The following CACNA1D variants were observed in gnomAD, a reference collection of about 807,000 sequenced individuals.
The protein encoded by CACNA1D is voltage-dependent L-type calcium channel subunit alpha-1D.
Under a neutral mutation model 257.1 loss-of-function variants are expected in CACNA1D, and 55 were observed. That is an observed-to-expected ratio of 0.21 (90% CI 0.17 to 0.27). The LOEUF (loss-of-function observed/expected upper bound fraction) is 0.27. Ranked by LOEUF, CACNA1D falls within the 10% of genes least tolerant of loss-of-function variation. The pLI is 1.00. For missense variants in CACNA1D, 1,876 were observed against 2,784.0 expected, an observed-to-expected ratio of 0.67 and a Z score of 7.34; for synonymous variants, 980 against 1,014.9, an observed-to-expected ratio of 0.97 and a Z score of 0.65.
intron 11 of CACNA1D, 68 bp from the exon 12 acceptor site, chr3:53,722,246 A>G: frequency 6.4e-7 from 1 of 1,574,634 alleles, no homozygotes; most frequent in South Asian, 1.1e-5. Context: ...ATTATCTCTC[A>G]ATCATATTTA....
chr3:53,726,780 G>A (rs1432258817), intron 14 of CACNA1D, 99 bp from the exon 15 acceptor site: 15 of 1,474,850 alleles, frequency 1.0e-5, no homozygotes, highest in Non-Finnish European at 1.3e-5. Flanking sequence ...GACTGTGAAA[G>A]GCAGCTTAAA....
chr3:53,810,306 C>G lies in CACNA1D; in HGVS notation c.6192+8C>G. On this transcript the variant is annotated splice_region_variant and intron_variant, in intron 47 of 47. Transcript: ENST00000350061. ...GACAGCTTGGTGGAGGCAGTGAGTA[C>G]GGTTCTTGGCCGTGGTGGGCAGGAA... 6.2e-7 allele frequency: 1 copy of G among 1,612,972 alleles called. No homozygotes were observed. Among genetic ancestry groups the G allele is most frequent in the Non-Finnish European group, 8.5e-7 (1 of 1,179,616 alleles).
chr3:53,507,072 C>CAAA (rs781421977), intron 3 of CACNA1D, among the ~76,000 whole-genome samples: 1,068 of 56,306 alleles, frequency 0.019, 34 homozygotes, highest in East Asian at 0.033. Flanking sequence ...GACTCTATCT[C>CAAA]AAAAAAAAAA....
intron 3 of CACNA1D, among the ~76,000 whole-genome samples, chr3:53,581,025 G>A (rs564364666): frequency 1.3e-5 from 2 of 152,368 alleles, no homozygotes; most frequent in South Asian, 4.1e-4. Context: ...TGGAGACCTT[G>A]TTAAGGGGCT....
intron 38 of CACNA1D, 53 bp downstream of exon 38, chr3:53,780,181 C>A: frequency 7.3e-7 from 1 of 1,362,202 alleles, no homozygotes; most frequent in Non-Finnish European, 1.1e-6. Flanking sequence ...AGAGACATCA[C>A]ATCCCATCTT....
chr3:53,588,241 G>T (rs949911788), intron 3 of CACNA1D, among the ~76,000 whole-genome samples: 65 of 152,128 alleles, frequency 4.3e-4, no homozygotes, highest in Admixed American at 3.6e-3. Context: ...CAAGGGACCC[G>T]CTCTGTGAGG....
At position 53,694,991 on chromosome 3, in the gene CACNA1D, A is replaced by G. The variant is rs551637914; in HGVS notation, c.1221-7650A>G. ...TGGGGGCTGGATGAGTATGGGGCGCATACCATTGTTCTGTCGTCAGAGCGC... is the reference window on the plus strand; with the variant it reads ...TGGGGGCTGGATGAGTATGGGGCGCGTACCATTGTTCTGTCGTCAGAGCGC... On this transcript the variant is annotated intron_variant, in intron 8 of 47. Coordinates refer to ENST00000350061, the MANE Select transcript of CACNA1D (RefSeq NM_001128840.3). Among the ~76,000 whole-genome samples the G allele has an allele frequency of 2.0e-3, 311 of 152,312 alleles. 2 individuals are homozygous for G. Among genetic ancestry groups the G allele is most frequent in the African/African-American group, 7.1e-3 (297 of 41,562 alleles).
rs139372494 is a variant in CACNA1D at position 53,606,562 on chromosome 3, A to G, written c.484-44217A>G. On this transcript the variant is annotated intron_variant, in intron 3 of 47. Transcript: ENST00000350061. ...CACCTAGAATCTGAGTCAAGGGTACAGTGGCAGGCCAAGGGCTGTGGGCTT... is the reference window on the plus strand; with the variant it reads ...CACCTAGAATCTGAGTCAAGGGTACGGTGGCAGGCCAAGGGCTGTGGGCTT... Among the ~76,000 whole-genome samples, 558 of 152,374 alleles carry G rather than the reference A, an allele frequency of 3.7e-3. 7 individuals carry two copies. Among genetic ancestry groups the G allele is most frequent in the African/African-American group, 0.013 (536 of 41,600 alleles).
At chr3:53,617,679 G>A (rs2093652274) in intron 3 of CACNA1D, among the ~76,000 whole-genome samples, 1 of 152,152 alleles carries the variant, frequency 6.6e-6, no homozygotes, top group Admixed American at 6.5e-5. Flanking sequence ...ACCCAGCAAG[G>A]ACTATGGGTG....
chr3:53,718,591 C>G (rs1197234661), intron 10 of CACNA1D: 1 of 855,442 alleles, frequency 1.2e-6, no homozygotes, highest in South Asian at 1.4e-5. Flanking sequence ...CGCCCCCCCG[C>G]CCCCCGGCCC....
chr3:53,553,110 C>G (rs1338057347), intron 3 of CACNA1D, among the ~76,000 whole-genome samples: 1 of 152,214 alleles, frequency 6.6e-6, no homozygotes, highest in Non-Finnish European at 1.5e-5. Context: ...GTGACTTCAG[C>G]TTAGGAAACA....
At chr3:53,528,894 A>G (rs1291677198) in intron 3 of CACNA1D, among the ~76,000 whole-genome samples, 1 of 152,182 alleles carries the variant, frequency 6.6e-6, no homozygotes, top group East Asian at 1.9e-4. Flanking sequence ...TATTACTTCC[A>G]GTAGTTTTTG....
At chr3:53,771,041 C>T (rs541376310) in intron 32 of CACNA1D, among the ~76,000 whole-genome samples, 62 of 152,324 alleles carry the variant, frequency 4.1e-4, no homozygotes, top group African/African-American at 1.4e-3. Flanking sequence ...TCACAGAGTT[C>T]GGGATGTTTG....
chr3:53,712,965 T>G (rs2094776135), intron 9 of CACNA1D, among the ~76,000 whole-genome samples: 1 of 152,196 alleles, frequency 6.6e-6, no homozygotes, highest in Non-Finnish European at 1.5e-5. Context: ...GAGGCTCTCC[T>G]GTGACGCCCT....
intron 8 of CACNA1D, among the ~76,000 whole-genome samples, chr3:53,693,926 GA>G (rs201837281): frequency 6.6e-6 from 1 of 151,630 alleles, no homozygotes; most frequent in African/African-American, 2.4e-5. Flanking sequence ...TGCAACACAA[GA>G]AAAAAAAATC....
chr3:53,577,056 G>T (rs1330094660), intron 3 of CACNA1D, among the ~76,000 whole-genome samples: 1 of 152,164 alleles, frequency 6.6e-6, no homozygotes, highest in Non-Finnish European at 1.5e-5. Context: ...TAGAGCCTCT[G>T]GTTGGTAACA....
chr3:53,793,911 C>A lies in CACNA1D; in HGVS notation c.4924-6338C>A, dbSNP rs948240637. On this transcript the variant is annotated intron_variant, in intron 40 of 47. Transcript: ENST00000350061. The surrounding 1 kb of genome is among the most constrained non-coding windows in gnomAD (Gnocchi z 4.1). ...ATTATTTAGAATCTTCACAGACACA[C>A]ACAGCAAACTTGGCACCCCCAACAC... Among the ~76,000 whole-genome samples, 1 of 152,206 alleles carries A rather than the reference C, an allele frequency of 6.6e-6. No individual in the cohort carries two copies. Among genetic ancestry groups the A allele is most frequent in the Non-Finnish European group, 1.5e-5 (1 of 68,042 alleles).
intron 3 of CACNA1D, among the ~76,000 whole-genome samples, chr3:53,633,202 C>T (rs1289585876): frequency 5.3e-5 from 8 of 152,184 alleles, no homozygotes; most frequent in Non-Finnish European, 1.0e-4. Flanking sequence ...ATTAGAAAAC[C>T]AAGGCAAGGG....
chr3:53,582,391 C>T (rs900609472), intron 3 of CACNA1D, among the ~76,000 whole-genome samples: 6 of 151,964 alleles, frequency 3.9e-5, no homozygotes, highest in Admixed American at 6.6e-5. Flanking sequence ...GGCCAGTGAC[C>T]CAGGAGAGCG....
Sources: gnomAD v4.1 joint callset for allele counts (sites outside exome capture counted in the v4.1 genomes callset) on GRCh38, gnomAD v4.1.1 for gene constraint, Gnocchi (gnomAD v3.1) non-coding constraint, MANE v1.5 for transcripts, NCBI Gene and HGNC (gene_info 2026-07-23, HGNC 2026-07-21) for gene names.